ADAMTS2: variants seen among roughly 807,000 people sequenced by gnomAD.
The protein encoded by ADAMTS2 is A disintegrin and metalloproteinase with thrombospondin motifs 2.
In ADAMTS2, 50 loss-of-function variants were observed where a neutral mutation model predicts 123.0. The observed-to-expected ratio is 0.41, with a 90% confidence interval of 0.32 to 0.51. The LOEUF is 0.51. ADAMTS2 is among the 20% of genes least tolerant of loss of function. The pLI, the probability that ADAMTS2 is intolerant of heterozygous loss-of-function variation, is 0.35. For missense variants in ADAMTS2, 1,494 were observed against 1,705.2 expected, an observed-to-expected ratio of 0.88 and a Z score of 2.18; for synonymous variants, 678 against 695.4, an observed-to-expected ratio of 0.98 and a Z score of 0.39.
chr5:179,237,143 G>A (rs1765547656), intron 3 of ADAMTS2, among the ~76,000 whole-genome samples: 1 of 152,152 alleles, frequency 6.6e-6, no homozygotes, highest in African/African-American at 2.4e-5. Context: ...CACATCTCTA[G>A]CCCCAGCTAC....
intron 3 of ADAMTS2, among the ~76,000 whole-genome samples, chr5:179,217,572 T>G (rs183247465): frequency 1.3e-5 from 2 of 152,354 alleles, no homozygotes; most frequent in East Asian, 3.9e-4. Context: ...GTCATGGAAG[T>G]GCTAGAAGAA....
chr5:179,227,991 C>A (rs1417357057), intron 3 of ADAMTS2, among the ~76,000 whole-genome samples: 1 of 152,112 alleles, frequency 6.6e-6, no homozygotes, highest in Non-Finnish European at 1.5e-5. Flanking sequence ...CTGACCTGGG[C>A]AACCGGTCAC....
chr5:179,169,988 T>G (rs1336859540), intron 5 of ADAMTS2, among the ~76,000 whole-genome samples: 2 of 152,224 alleles, frequency 1.3e-5, no homozygotes, highest in Non-Finnish European at 2.9e-5. Flanking sequence ...AACAGTTGAG[T>G]AGCTTTGGTA....
chr5:179,287,748 A>C (rs577171985), intron 2 of ADAMTS2, among the ~76,000 whole-genome samples: 1 of 152,324 alleles, frequency 6.6e-6, no homozygotes, highest in East Asian at 1.9e-4. Context: ...CTCCTCCAGG[A>C]GGGGCCAGGT....
At chr5:179,121,831 C>T (rs977115988) in intron 20 of ADAMTS2, 81 bp from the exon 21 acceptor site, 8 of 1,002,496 alleles carry the variant, frequency 8.0e-6, no homozygotes, top group South Asian at 1.8e-5. Flanking sequence ...CCGGGTCTCC[C>T]GGGGTCCTGG....
intron 2 of ADAMTS2, among the ~76,000 whole-genome samples, chr5:179,284,096 C>T (rs1034313543): frequency 6.6e-6 from 1 of 151,178 alleles, no homozygotes; most frequent in Non-Finnish European, 1.5e-5. Context: ...TTTGGGAGGA[C>T]GAGGCGAATG....
At chr5:179,330,828 G>A (rs1195727735) in intron 2 of ADAMTS2, among the ~76,000 whole-genome samples, 1 of 152,240 alleles carries the variant, frequency 6.6e-6, no homozygotes, top group African/African-American at 2.4e-5. Context: ...TATCTGAGGT[G>A]GAGGATGCTC....
intron 2 of ADAMTS2, among the ~76,000 whole-genome samples, chr5:179,273,647 G>GC (rs1766608127): frequency 1.3e-5 from 2 of 152,020 alleles, no homozygotes; most frequent in African/African-American, 2.4e-5. Flanking sequence ...CCTGACCACA[G>GC]CGGGTCTTGG....
At chr5:179,315,331 G>GGAAAGCACTGAGGCCACAGTTGGCTTCA (rs1195221011) in intron 2 of ADAMTS2, among the ~76,000 whole-genome samples, 1 of 49,078 alleles carries the variant, frequency 2.0e-5, no homozygotes, top group African/African-American at 8.3e-5. Context: ...ACAGTGCTTT[G>GGAAAGCACTGAGGCCACAGTTGGCTTCA]GGAAGGTCAT....
chr5:179,344,101 T>A lies in ADAMTS2; in HGVS notation c.200A>T (p.Gln67Leu), dbSNP rs745588970. 4 of 1,609,294 alleles carry A rather than the reference T, an allele frequency of 2.5e-6. No homozygotes were observed. In the Admixed American group the frequency reaches 6.7e-5, roughly 27 times the overall value. Residue 67 changes from glutamine (Q) to leucine (L), a missense_variant, in exon 2 of 22, where the codon CAG becomes CTG. Physicochemically the swap from Gln to Leu is moderately radical, Grantham distance 113. Coordinates refer to ENST00000251582, the MANE Select transcript of ADAMTS2 (RefSeq NM_014244.5). ...ILAVPVRTDA[Q>L]GRLVSHVVSA... ...CACCACGTGGGACACCAAGCGGCCC[T>A]GGGCGTCAGTGCGCACGGGCACCGC... is the stretch of plus-strand genomic sequence containing the variant.
intron 17 of ADAMTS2, 114 bp downstream of exon 17, chr5:179,127,845 T>A: frequency 1.4e-6 from 2 of 1,427,784 alleles, no homozygotes; most frequent in Non-Finnish European, 1.9e-6. Flanking sequence ...CAGGCAAAGG[T>A]CCCTGCTGTG....
rs1345968093 is a variant in ADAMTS2 at position 179,117,830 on chromosome 5, C to T, written c.3179-3506G>A. The stretch of plus-strand genomic sequence containing the variant: ...GGATTACAGGTGTAAGCCACTGTGC[C>T]CGGCCCATGCATTTCTTATCTGTGG... On this transcript the variant is annotated intron_variant, in intron 21 of 21. Transcript: ENST00000251582. This position sits in a 1 kb window ranked among gnomAD's most constrained non-coding sequence, Gnocchi z 4.2. Among the ~76,000 whole-genome samples, 1 of 152,178 alleles carries T rather than the reference C, an allele frequency of 6.6e-6. No homozygotes were observed. Among genetic ancestry groups the T allele is most frequent in the Non-Finnish European group, 1.5e-5 (1 of 68,030 alleles).
At position 179,180,150 on chromosome 5, in the gene ADAMTS2, C is replaced by T. The variant is rs1001692340; in HGVS notation, c.975+922G>A. 6.6e-6 allele frequency among the ~76,000 whole-genome samples: 1 copy of T among 152,172 alleles called. No individual in the cohort carries two copies. The highest frequency in any genetic ancestry group is 2.4e-5 in the African/African-American group (1 of 41,426). On this transcript the variant is annotated intron_variant, in intron 5 of 21. Coordinates refer to ENST00000251582, the MANE Select transcript of ADAMTS2 (RefSeq NM_014244.5). This position sits in a 1 kb window ranked among gnomAD's most constrained non-coding sequence, Gnocchi z 4.6. ...GCATTCATCCATACAAAGTGCTTCC[C>T]ACACGGCTGGTACAGGCACTTTGCA...
intron 3 of ADAMTS2, among the ~76,000 whole-genome samples, chr5:179,223,272 G>A (rs1049630279): frequency 2.0e-5 from 3 of 148,176 alleles, no homozygotes; most frequent in Admixed American, 6.7e-5. Context: ...ACACTCACAC[G>A]AATGCACTCA....
chr5:179,225,229 T>G lies in ADAMTS2; in HGVS notation c.689-17514A>C, dbSNP rs539968528. On this transcript the variant is annotated intron_variant, in intron 3 of 21. Transcript: ENST00000251582. This position sits in a 1 kb window ranked among gnomAD's most constrained non-coding sequence, Gnocchi z 4.5. Reference sequence around the variant, plus strand: ...AGGGCTCACCCACATCATGTGCGCTTCAGACAAAGGACTAATTTCCTTAAT... The same window carrying G: ...AGGGCTCACCCACATCATGTGCGCTGCAGACAAAGGACTAATTTCCTTAAT... Among the ~76,000 whole-genome samples the G allele has an allele frequency of 6.6e-6, 1 of 152,200 alleles. No homozygotes were observed. The highest frequency in any genetic ancestry group is 2.4e-5 in the African/African-American group (1 of 41,438).
In ADAMTS2 at chr5:179,139,909, G is replaced by A. The variant is rs1763133512; in HGVS notation, c.1756C>T (p.Arg586Cys). 2 of 1,612,046 alleles carry A rather than the reference G, an allele frequency of 1.2e-6. No individual in the cohort carries two copies. The highest frequency in any genetic ancestry group is 1.1e-5 in the South Asian group (1 of 91,024). The change falls in exon 11 of 22, where the codon CGC becomes TGC. Residue 586 changes from arginine (R) to cysteine (C), a missense_variant. Coordinates refer to ENST00000251582, the MANE Select transcript of ADAMTS2 (RefSeq NM_014244.5). ...ACTCACTGTGGGTTGTCACACTGGC[G>A]GGTCCTGAACTTCACGCCCGTGCCA... is the stretch of plus-strand genomic sequence containing the variant. ...TCGTGVKFRT[R>C]QCDNPHPANG...
chr5:179,283,866 G>T (rs1474055792), intron 2 of ADAMTS2, among the ~76,000 whole-genome samples: 1 of 150,952 alleles, frequency 6.6e-6, no homozygotes, highest in East Asian at 1.9e-4. Context: ...CTCCAGCCTG[G>T]GAGACAGAGA....
At chr5:179,283,373 TAATCTTCAG>T (rs1436144946) in intron 2 of ADAMTS2, among the ~76,000 whole-genome samples, 1 of 152,030 alleles carries the variant, frequency 6.6e-6, no homozygotes, top group African/African-American at 2.4e-5. Context: ...ACTCGTTTCC[TAATCTTCAG>T]AATCTTCAGT....
rs74691579 is a variant in ADAMTS2 at position 179,184,866 on chromosome 5, G to A, written c.892-3711C>T. Among the ~76,000 whole-genome samples, 284 of 152,360 alleles carry A rather than the reference G, an allele frequency of 1.9e-3. 1 individual carries two copies. Among genetic ancestry groups the A allele is most frequent in the African/African-American group, 6.5e-3 (269 of 41,584 alleles). ...GCGGAGAGGGACACTCAGATGCTAC[G>A]AGACCAGCTCCAGGATCACCGGCCT... On this transcript the variant is annotated intron_variant, in intron 4 of 21. Coordinates refer to ENST00000251582, the MANE Select transcript of ADAMTS2 (RefSeq NM_014244.5).
Sources: gnomAD v4.1 joint callset for allele counts (sites outside exome capture counted in the v4.1 genomes callset) on GRCh38, gnomAD v4.1.1 for gene constraint, Gnocchi (gnomAD v3.1) non-coding constraint, MANE v1.5 for transcripts, NCBI Gene and HGNC (gene_info 2026-07-23, HGNC 2026-07-21) for gene names.